PTPRG: variants seen among roughly 807,000 people sequenced by gnomAD.
The protein encoded by PTPRG is protein tyrosine phosphatase receptor type G.
Under a neutral mutation model 165.3 loss-of-function variants are expected in PTPRG, and 102 were observed. That is an observed-to-expected ratio of 0.62 (90% CI 0.53 to 0.73). The LOEUF is 0.73. Among genes scored for constraint, PTPRG ranks in the 30% least tolerant of loss-of-function variants. The probability of loss-of-function intolerance (pLI) is 0.00; values close to 1 mark genes in which losing one functional copy is unlikely to be tolerated. For missense variants in PTPRG, 1,866 were observed against 1,861.4 expected (o/e 1.00, Z -0.05); for synonymous variants, 675 against 669.5 (o/e 1.01, Z -0.13).
intron 1 of PTPRG, among the ~76,000 whole-genome samples, chr3:61,678,291 G>A (rs370318481): frequency 2.6e-5 from 4 of 152,212 alleles, no homozygotes; most frequent in East Asian, 3.9e-4. Context: ...GTAGCCCGAC[G>A]GGTTTAAAAA....
chr3:61,658,166 T>C (rs896322330), intron 1 of PTPRG, among the ~76,000 whole-genome samples: 1 of 152,108 alleles, frequency 6.6e-6, no homozygotes. Flanking sequence ...TATTTGACGG[T>C]TTGGTTGTCT....
At chr3:62,046,381 T>G (rs1052296819) in intron 4 of PTPRG, among the ~76,000 whole-genome samples, 1 of 152,216 alleles carries the variant, frequency 6.6e-6, no homozygotes, top group South Asian at 2.1e-4. Context: ...CTATCTTTCA[T>G]TGACCTTTTC....
chr3:61,732,851 C>G (rs1401815348), intron 1 of PTPRG, among the ~76,000 whole-genome samples: 2 of 152,150 alleles, frequency 1.3e-5, no homozygotes, highest in African/African-American at 4.8e-5. Context: ...TGAACATATG[C>G]CTGCGTGGAA....
chr3:61,971,588 A>T (rs370562830), intron 2 of PTPRG, among the ~76,000 whole-genome samples: 15 of 152,232 alleles, frequency 9.9e-5, no homozygotes, highest in Non-Finnish European at 2.1e-4. Context: ...TAACTAGTCC[A>T]TGAGCAAGTT....
At chr3:62,209,825 T>G (rs1364884992) in intron 12 of PTPRG, among the ~76,000 whole-genome samples, 3 of 152,148 alleles carry the variant, frequency 2.0e-5, no homozygotes, top group Non-Finnish European at 4.4e-5. Flanking sequence ...AATCTCATGG[T>G]ATGGAAAACC....
intron 2 of PTPRG, among the ~76,000 whole-genome samples, chr3:61,890,887 T>G (rs2038195286): frequency 6.6e-6 from 1 of 152,256 alleles, no homozygotes; most frequent in South Asian, 2.1e-4. Context: ...TACATCCATA[T>G]GAAAAGATAG....
At chr3:62,106,151 G>T (rs1702465731) in intron 5 of PTPRG, among the ~76,000 whole-genome samples, 1 of 152,152 alleles carries the variant, frequency 6.6e-6, no homozygotes, top group South Asian at 2.1e-4. Flanking sequence ...AAACTGAAAA[G>T]AAGGTGATAT....
chr3:61,666,861 G>C (rs879395183), intron 1 of PTPRG, among the ~76,000 whole-genome samples: 3 of 152,184 alleles, frequency 2.0e-5, no homozygotes, highest in Non-Finnish European at 4.4e-5. Context: ...CTTAAGAAAA[G>C]CTGACAGCTG....
chr3:61,571,844 G>T (rs115708398), intron 1 of PTPRG, among the ~76,000 whole-genome samples: 10 of 152,318 alleles, frequency 6.6e-5, no homozygotes, highest in African/African-American at 2.2e-4. Context: ...GAAATGGCTT[G>T]GATTCTGCAT....
chr3:62,290,551 G>C (rs1702847201), intron 28 of PTPRG, among the ~76,000 whole-genome samples: 1 of 152,114 alleles, frequency 6.6e-6, no homozygotes, highest in Non-Finnish European at 1.5e-5. Context: ...AAGGAATTGG[G>C]ATACACGTGG....
At chr3:61,605,122 T>G (rs1413729041) in intron 1 of PTPRG, among the ~76,000 whole-genome samples, 1 of 152,206 alleles carries the variant, frequency 6.6e-6, no homozygotes, top group African/African-American at 2.4e-5. Context: ...TTCTCTTTGC[T>G]GGAGGATTTA....
intron 2 of PTPRG, among the ~76,000 whole-genome samples, chr3:61,853,103 C>T (rs1001151435): frequency 2.0e-5 from 3 of 152,244 alleles, no homozygotes; most frequent in Admixed American, 6.5e-5. Context: ...GCGGAGCTTA[C>T]GTTCTACTGT....
At chr3:61,926,837 T>G (rs2039225791) in intron 2 of PTPRG, among the ~76,000 whole-genome samples, 1 of 151,992 alleles carries the variant, frequency 6.6e-6, no homozygotes, top group African/African-American at 2.4e-5. Flanking sequence ...TTTACTCCTT[T>G]TTGCCTCCAG....
At chr3:62,019,746 T>C (rs911965595) in intron 4 of PTPRG, among the ~76,000 whole-genome samples, 15 of 152,196 alleles carry the variant, frequency 9.9e-5, no homozygotes, top group African/African-American at 3.6e-4. Flanking sequence ...CATAATGTTG[T>C]ATGCCATGAA....
In PTPRG at chr3:61,949,513, A is replaced by G. The variant is rs183167455; in HGVS notation, c.191-40112A>G. On this transcript the variant is annotated intron_variant, in intron 2 of 29. Transcript: ENST00000474889. ...CGTTTACTATGTGCCACATGCCTCA[A>G]TGAGGGTCTAGTATATTTTACCTTT... 1.5e-4 allele frequency among the ~76,000 whole-genome samples: 23 copies of G among 152,272 alleles called. No individual in the cohort carries two copies. In the South Asian group the frequency reaches 2.5e-3, roughly 16 times the overall value.
chr3:62,060,784 C>T lies in PTPRG; in HGVS notation c.520-17379C>T, dbSNP rs551829261. Among the ~76,000 whole-genome samples the T allele has an allele frequency of 6.5e-4, 99 of 152,282 alleles. 2 individuals are homozygous for T. In the South Asian group the frequency reaches 0.016, roughly 24 times the overall value. On this transcript the variant is annotated intron_variant, in intron 4 of 29. Transcript: ENST00000474889. Reference sequence around the variant, plus strand: ...TATTCTTGCCTGCATTTTCAGTTCTCAGAGGTAACCGAAGTTAAATATCTT... The same window carrying T: ...TATTCTTGCCTGCATTTTCAGTTCTTAGAGGTAACCGAAGTTAAATATCTT...
chr3:61,818,519 G>C (rs953800831), intron 2 of PTPRG, among the ~76,000 whole-genome samples: 7 of 152,006 alleles, frequency 4.6e-5, no homozygotes, highest in Non-Finnish European at 2.9e-5. Context: ...AGTTGTTTAG[G>C]TGGGTGTGGT....
At chr3:62,242,330 A>T (rs575266871) in intron 14 of PTPRG, among the ~76,000 whole-genome samples, 1 of 152,286 alleles carries the variant, frequency 6.6e-6, no homozygotes, top group South Asian at 2.1e-4. Context: ...GAAACAAAAA[A>T]AACACGCTCA....
At chr3:61,618,843 T>C (rs1286830763) in intron 1 of PTPRG, among the ~76,000 whole-genome samples, 1 of 151,894 alleles carries the variant, frequency 6.6e-6, no homozygotes, top group African/African-American at 2.4e-5. Context: ...CTTTTAGTGA[T>C]CATAATTAGT....
Sources: allele counts gnomAD v4.1 joint callset (sites outside exome capture counted in the v4.1 genomes callset), GRCh38; gene constraint gnomAD v4.1.1; transcripts MANE v1.5; gene names NCBI Gene and HGNC (gene_info 2026-07-23, HGNC 2026-07-21).